RILPL2: variants seen among roughly 807,000 people sequenced by gnomAD.
The protein encoded by RILPL2 is Rab interacting lysosomal protein like 2.
Under a neutral mutation model 22.2 loss-of-function variants are expected in RILPL2, and 19 were observed. That is an observed-to-expected ratio of 0.86 (90% confidence interval 0.60 to 1.25). RILPL2 has a LOEUF of 1.25. RILPL2 is among the 50% of genes most tolerant of loss of function. The pLI, the probability that RILPL2 is intolerant of heterozygous loss-of-function variation, is 0.00. For synonymous variants in RILPL2, 123 were observed against 111.6 expected, an observed-to-expected ratio of 1.10 and a Z score of -0.64; for missense variants, 243 against 263.6, an observed-to-expected ratio of 0.92 and a Z score of 0.54.
chr12:123,427,176 G>C (rs998447406), intron 2 of RILPL2, among the ~76,000 whole-genome samples: 2 of 152,146 alleles, frequency 1.3e-5, no homozygotes, highest in Non-Finnish European at 2.9e-5. Context: ...CGTTCAGTGG[G>C]CCATTGGCGG....
At chr12:123,410,091 C>T (rs1284533160), downstream of RILPL2, among the ~76,000 whole-genome samples, 2 of 152,084 alleles carry the variant, frequency 1.3e-5, no homozygotes, top group South Asian at 4.1e-4. Flanking sequence ...TAATGATCCA[C>T]CCGCCTCGGC....
At position 123,415,682 on chromosome 12, in the gene RILPL2, C is replaced by G. The variant is rs987573123; in HGVS notation, c.*209G>C. On this transcript the variant is annotated 3_prime_UTR_variant, in exon 4 of 4. Transcript: ENST00000280571. Reference sequence around the variant, plus strand: ...TTTCTTGATTTCAGTCTCACTGGCCCAGGCCAAATCTTCAAGGGTGTCTAG... The same window carrying G: ...TTTCTTGATTTCAGTCTCACTGGCCGAGGCCAAATCTTCAAGGGTGTCTAG... 1.3e-5 allele frequency: 9 copies of G among 676,854 alleles called. No individual in the cohort carries two copies. The highest frequency in any genetic ancestry group is 2.4e-5 in the Non-Finnish European group (9 of 375,782). 41.9% of individuals were successfully genotyped at this position (676,854 alleles called of 1,614,324 possible). A position where few individuals can be genotyped will look rare whatever the true frequency, so the allele number is the denominator to read the frequency against.
At position 123,423,051 on chromosome 12, in the gene RILPL2, T is replaced by C. The variant is rs1343770487; in HGVS notation, c.598A>G (p.Lys200Glu). ...GRNKEEKTII[K>E]KLFFFRSGKQ... ...CAGCAAGGTGACACTTACAGCTTTT[T>C]TATGATTGTCTTCTCCTCCTTGTTC... is the stretch of plus-strand genomic sequence containing the variant. Residue 200 changes from lysine (K) to glutamate (E), a missense_variant, in exon 3 of 4, where the codon AAA (lysine) becomes GAA (glutamate). Transcript: ENST00000280571. 1 of 1,611,828 alleles carries C rather than the reference T, an allele frequency of 6.2e-7. No homozygotes were observed. The highest frequency in any genetic ancestry group is 1.3e-5 in the African/African-American group (1 of 74,812).
At chr12:123,433,447 C>G (rs1293435971) in intron 1 of RILPL2, among the ~76,000 whole-genome samples, 1 of 151,386 alleles carries the variant, frequency 6.6e-6, no homozygotes, top group Non-Finnish European at 1.5e-5. Flanking sequence ...GACAGTCTTG[C>G]TCTGTTGCCC....
At chr12:123,429,942 CCT>C (rs1467871784) in intron 2 of RILPL2, among the ~76,000 whole-genome samples, 2 of 150,926 alleles carry the variant, frequency 1.3e-5, no homozygotes, top group East Asian at 3.9e-4. Context: ...ATGGCGAGAC[CCT>C]GTCTCTACAA....
At chr12:123,422,919 C>A in intron 3 of RILPL2, 125 bp downstream of exon 3, 1 of 675,460 alleles carries the variant, frequency 1.5e-6, no homozygotes, top group Non-Finnish European at 2.7e-6. Context: ...CCATGGGCTG[C>A]AGCACCACAA....
At chr12:123,419,107 T>C (rs1377854753) in intron 3 of RILPL2, among the ~76,000 whole-genome samples, 1 of 151,202 alleles carries the variant, frequency 6.6e-6, no homozygotes, top group African/African-American at 2.4e-5. Context: ...GCCTGCTGGG[T>C]TCACGCCATT....
chr12:123,420,313 C>T (rs1279053656), intron 3 of RILPL2, among the ~76,000 whole-genome samples: 1 of 152,128 alleles, frequency 6.6e-6, no homozygotes, highest in Non-Finnish European at 1.5e-5. Context: ...GCCTGAGCCA[C>T]TGCGCCTGGC....
chr12:123,409,599 G>C, the RILPL2 span, among the ~76,000 whole-genome samples: 1 of 148,352 alleles, frequency 6.7e-6, no homozygotes, highest in Non-Finnish European at 1.5e-5. Context: ...CTGGAGTTCA[G>C]TGGGGCAGTC....
At position 123,436,617 on chromosome 12, in the gene RILPL2, C is replaced by G; in HGVS notation, c.-197G>C. The G allele has an allele frequency of 1.2e-6, 1 of 859,562 alleles. No homozygotes were observed. Among genetic ancestry groups the G allele is most frequent in the Non-Finnish European group, 1.7e-6 (1 of 576,122 alleles). 53.2% of individuals were successfully genotyped at this position (859,562 alleles called of 1,614,324 possible). On this transcript the variant is annotated 5_prime_UTR_variant, in exon 1 of 4. Transcript: ENST00000280571. This position sits in a 1 kb window ranked among gnomAD's most constrained non-coding sequence, Gnocchi z 6.7. ...GGGCCTGCGCCCCGGCGCACCGTCCCCGCTGCCAGCCACGCTGGAGAGTGC... is the reference window on the plus strand; with the variant it reads ...GGGCCTGCGCCCCGGCGCACCGTCCGCGCTGCCAGCCACGCTGGAGAGTGC...
intron 3 of RILPL2, among the ~76,000 whole-genome samples, chr12:123,418,756 CT>C (rs1202023726): frequency 0.24 from 23,551 of 96,932 alleles, 1,179 homozygotes; most frequent in East Asian, 0.45. Context: ...CTTTTTCTTT[CT>C]TTTTTTTTTT....
chr12:123,417,259 A>G (rs1593486733), intron 3 of RILPL2, among the ~76,000 whole-genome samples: 1 of 151,286 alleles, frequency 6.6e-6, no homozygotes, highest in East Asian at 1.9e-4. Flanking sequence ...AGATCAAGCT[A>G]CCGCACACCA....
chr12:123,417,356 C>T (rs1221586572), intron 3 of RILPL2, among the ~76,000 whole-genome samples: 1 of 151,836 alleles, frequency 6.6e-6, no homozygotes, highest in African/African-American at 2.4e-5. Context: ...ACCCTGTCTC[C>T]CAACCCTTCT....
chr12:123,414,325 AC>A, downstream of RILPL2: 1 of 153,618 alleles, frequency 6.5e-6, no homozygotes, highest in South Asian at 2.0e-4. Context: ...CTGCTGGGGG[AC>A]CCAGCACACC....
chr12:123,409,370 TTC>T, the RILPL2 span: 1 of 130,084 alleles, frequency 7.7e-6, no homozygotes, highest in African/African-American at 4.4e-5. Context: ...GTGTGTGTCT[TTC>T]TGTTTTTACA....
In RILPL2 at chr12:123,436,348, G is replaced by A. The variant is rs771725175; in HGVS notation, c.73C>T (p.Pro25Ser). Reference sequence around the variant, plus strand: ...GGGCTCTTGCCCAGCGCCCCCTCGGGCCCAACCTCGTCCCTCTCCTCGTCC... The same window carrying A: ...GGGCTCTTGCCCAGCGCCCCCTCGGACCCAACCTCGTCCCTCTCCTCGTCC... ...EEDEERDEVG[P>S]EGALGKSPFQ... The change falls in exon 1 of 4, where the codon CCC (proline) becomes TCC (serine). Residue 25 changes from proline to serine, a missense_variant. Physicochemically the swap from Pro to Ser is moderately conservative, Grantham distance 74. Coordinates refer to ENST00000280571, the MANE Select transcript of RILPL2 (RefSeq NM_145058.3). This position sits in a 1 kb window ranked among gnomAD's most constrained non-coding sequence, Gnocchi z 6.7. 2 of 1,559,612 alleles carry A rather than the reference G, an allele frequency of 1.3e-6. No individual in the cohort carries two copies. Among genetic ancestry groups the A allele is most frequent in the Non-Finnish European group, 1.7e-6 (2 of 1,152,000 alleles).
chr12:123,412,517 T>A (rs1168508675), downstream of RILPL2: 1 of 152,188 alleles, frequency 6.6e-6, no homozygotes, highest in Non-Finnish European at 1.5e-5. Context: ...TGTTCTGGAC[T>A]AGACTCTTAA....
intron 2 of RILPL2, among the ~76,000 whole-genome samples, 158 bp from the exon 3 acceptor site, chr12:123,423,315 C>A (rs1879342527): frequency 6.6e-6 from 1 of 150,650 alleles, no homozygotes; most frequent in Admixed American, 6.7e-5. Flanking sequence ...GATTCTCCTG[C>A]CTCTGCCTCC....
In RILPL2 at chr12:123,423,095, C is replaced by T; in HGVS notation, c.554G>A (p.Ser185Asn). Residue 185 changes from serine to asparagine, a missense_variant, in exon 3 of 4, where the codon AGT (serine) becomes AAT (asparagine). Ser to Asn is a conservative substitution (Grantham distance 46, BLOSUM62 1). Transcript: ENST00000280571. ...CTTGTTCCTGCCAGCATTTTTGGCA[C>T]TAGTAACCACAGCATCTTTTTCTCT... Reference protein sequence around the residue: ...GRREKDAVVTSAKNAGRNKEE... With the variant: ...GRREKDAVVTNAKNAGRNKEE... 6.2e-7 allele frequency: 1 copy of T among 1,613,808 alleles called. No individual in the cohort carries two copies. The highest frequency in any genetic ancestry group is 8.5e-7 in the Non-Finnish European group (1 of 1,179,962).
Sources: allele counts gnomAD v4.1 joint callset (sites outside exome capture counted in the v4.1 genomes callset), GRCh38; gene constraint gnomAD v4.1.1; non-coding constraint Gnocchi (gnomAD v3.1); transcripts MANE v1.5; gene names NCBI Gene and HGNC (gene_info 2026-07-23, HGNC 2026-07-21).